GRM1: variants seen among roughly 807,000 people sequenced by gnomAD.
GRM1 encodes metabotropic glutamate receptor 1.
A neutral mutation model predicts 90.9 loss-of-function variants in GRM1; 33 were observed. The observed-to-expected ratio is 0.36, with a 90% CI of 0.28 to 0.49. The LOEUF (loss-of-function observed/expected upper bound fraction) is 0.49, where lower values mean the gene tolerates loss of function less well. Ranked by LOEUF, GRM1 falls within the 20% of genes least tolerant of loss-of-function variation. GRM1 has a pLI of 0.99. For missense variants in GRM1, 1,190 were observed against 1,534.3 expected (o/e 0.78, Z 3.75); for synonymous variants, 700 against 613.2 (o/e 1.14, Z -2.09).
At chr6:146,035,273 A>C (rs1209431079) in intron 1 of GRM1, among the ~76,000 whole-genome samples, 1 of 151,988 alleles carries the variant, frequency 6.6e-6, no homozygotes, top group East Asian at 1.9e-4. Flanking sequence ...GTAATGGAGA[A>C]TCTTGAAGCA....
chr6:146,122,493 C>G (rs1292513554), intron 1 of GRM1, among the ~76,000 whole-genome samples: 1 of 151,996 alleles, frequency 6.6e-6, no homozygotes, highest in Non-Finnish European at 1.5e-5. Context: ...ATTTCTTCAT[C>G]ATTTTCTGCT....
At chr6:146,271,146 T>C (rs1782146697) in intron 2 of GRM1, among the ~76,000 whole-genome samples, 1 of 151,700 alleles carries the variant, frequency 6.6e-6, no homozygotes, top group African/African-American at 2.4e-5. Context: ...CTGTGATTAC[T>C]GGCACATGCC....
chr6:146,069,119 A>G (rs935932380), intron 1 of GRM1, among the ~76,000 whole-genome samples: 6 of 152,192 alleles, frequency 3.9e-5, no homozygotes, highest in African/African-American at 1.4e-4. Context: ...TATAGAGATT[A>G]TCAGACTTCT....
chr6:146,290,317 G>A (rs1232284182), intron 2 of GRM1, among the ~76,000 whole-genome samples: 2 of 152,122 alleles, frequency 1.3e-5, no homozygotes, highest in African/African-American at 2.4e-5. Context: ...TTTTCTTGAC[G>A]TACACAAGGT....
chr6:146,150,457 A>T (rs142932926), intron 1 of GRM1, among the ~76,000 whole-genome samples: 2 of 152,192 alleles, frequency 1.3e-5, no homozygotes, highest in Non-Finnish European at 2.9e-5. Flanking sequence ...TCCCATATTT[A>T]TGGGGTACAT....
At chr6:146,217,505 T>C (rs1436203659) in intron 2 of GRM1, among the ~76,000 whole-genome samples, 3 of 152,230 alleles carry the variant, frequency 2.0e-5, no homozygotes, top group African/African-American at 7.2e-5. Context: ...ACACAGCCTG[T>C]CTTGAAAGGT....
rs1033185085 is a variant in GRM1, at chr6:146,436,689, A to G, written c.*1893A>G. 1 of 152,588 alleles carries G rather than the reference A, an allele frequency of 6.6e-6. No individual in the cohort carries two copies. The highest frequency in any genetic ancestry group is 1.5e-5 in the Non-Finnish European group (1 of 68,000). 9.5% of individuals were successfully genotyped at this position (152,588 alleles called of 1,614,324 possible). A position where few individuals can be genotyped will look rare whatever the true frequency, so the allele number is the denominator to read the frequency against. On this transcript the variant is annotated 3_prime_UTR_variant, in exon 8 of 8. Transcript: ENST00000282753. ...TCTTTACAATCCCTTTTTACCACCA[A>G]TAAAAGGATTTTTCTTGCTGTTTTG...
Position 146,399,637 on chromosome 6 carries a change from C to T in GRM1, c.2598C>T (p.Pro866=), listed in dbSNP as rs1192739900. 6.2e-7 allele frequency: 1 copy of T among 1,614,062 alleles called. No homozygotes were observed. The highest frequency in any genetic ancestry group is 1.7e-5 in the Admixed American group (1 of 60,022). ...VRMHVGDGKL[P]CRSNTFLNIF... is the part of the protein sequence containing the mutation. Reference sequence around the variant, plus strand: ...TGCATGTTGGCGATGGCAAGCTGCCCTGCCGCTCCAACACTTTCCTCAACA... The same window carrying T: ...TGCATGTTGGCGATGGCAAGCTGCCTTGCCGCTCCAACACTTTCCTCAACA... The change falls in exon 7 of 8, where the codon CCC becomes CCT. Residue 866 remains proline (P), a synonymous_variant. Coordinates refer to ENST00000282753, the MANE Select transcript of GRM1 (RefSeq NM_001278064.2). The surrounding 1 kb of genome is among the most constrained non-coding windows in gnomAD (Gnocchi z 5.4).
At chr6:146,410,179 G>GC (rs1158343152) in intron 7 of GRM1, among the ~76,000 whole-genome samples, 2 of 152,132 alleles carry the variant, frequency 1.3e-5, no homozygotes, top group Non-Finnish European at 2.9e-5. Context: ...GATGCTGTCA[G>GC]CCAGTTCTGT....
intron 7 of GRM1, among the ~76,000 whole-genome samples, chr6:146,424,984 AC>A (rs1778144802): frequency 6.6e-6 from 1 of 152,186 alleles, no homozygotes; most frequent in Non-Finnish European, 1.5e-5. Context: ...GGGGCATATT[AC>A]CTTGATAAGT....
At chr6:146,330,284 T>C (rs1432091671) in intron 3 of GRM1, among the ~76,000 whole-genome samples, 1 of 152,180 alleles carries the variant, frequency 6.6e-6, no homozygotes, top group Non-Finnish European at 1.5e-5. Flanking sequence ...ATACAATTAT[T>C]TGATTTAGCT....
chr6:146,252,612 T>A (rs1308196464), intron 2 of GRM1, among the ~76,000 whole-genome samples: 1 of 151,684 alleles, frequency 6.6e-6, no homozygotes, highest in East Asian at 2.0e-4. Flanking sequence ...AACCTCCAAC[T>A]CAAAAAACTA....
chr6:146,329,947 T>C (rs555020967), intron 3 of GRM1, among the ~76,000 whole-genome samples: 1 of 152,204 alleles, frequency 6.6e-6, no homozygotes, highest in Non-Finnish European at 1.5e-5. Flanking sequence ...AGTCAAACTG[T>C]TGTATGTCGG....
chr6:146,385,837 C>T (rs1776481212), intron 5 of GRM1, among the ~76,000 whole-genome samples: 1 of 151,880 alleles, frequency 6.6e-6, no homozygotes, highest in Non-Finnish European at 1.5e-5. Flanking sequence ...AGGGTTCTTA[C>T]ATTATACATA....
At chr6:146,125,791 G>T (rs1776179530) in intron 1 of GRM1, among the ~76,000 whole-genome samples, 1 of 151,816 alleles carries the variant, frequency 6.6e-6, no homozygotes, top group Non-Finnish European at 1.5e-5. Context: ...CTTAGTAGTG[G>T]TCAATTATTT....
chr6:146,245,973 C>T (rs186738613), intron 2 of GRM1, among the ~76,000 whole-genome samples: 4 of 152,282 alleles, frequency 2.6e-5, no homozygotes, highest in East Asian at 3.9e-4. Flanking sequence ...TTCCACAGTT[C>T]CTGCTGTTAA....
intron 1 of GRM1, among the ~76,000 whole-genome samples, chr6:146,086,537 G>A (rs1340400703): frequency 6.6e-6 from 1 of 151,980 alleles, no homozygotes; most frequent in Non-Finnish European, 1.5e-5. Flanking sequence ...CCTCTGGACT[G>A]GCATTTTCTT....
At position 146,159,536 on chromosome 6, in the gene GRM1, C is replaced by T; in HGVS notation, c.889C>T (p.Arg297Ter). 6.2e-7 allele frequency: 1 copy of T among 1,613,392 alleles called. No homozygotes were observed. Among genetic ancestry groups the T allele is most frequent in the Non-Finnish European group, 8.5e-7 (1 of 1,179,674 alleles). ...CTGCTTCTGTGAAGGCATGACAGTG[C>T]GAGGACTCCTGAGCGCCATGCGGCG... Reference protein sequence around the residue: ...VVCFCEGMTVRGLLSAMRRLG... With the variant: ...VVCFCEGMTV Residue 297 changes from arginine (R) to a stop codon, truncating the protein, a stop_gained, in exon 2 of 8, where the codon CGA becomes TGA. Transcript: ENST00000282753. LOFTEE classifies it high-confidence loss of function.
intron 2 of GRM1, among the ~76,000 whole-genome samples, chr6:146,228,910 TCAACTC>T (rs1421016068): frequency 2.6e-5 from 4 of 152,134 alleles, no homozygotes; most frequent in African/African-American, 4.8e-5. Flanking sequence ...ACTCTCCTCT[TCAACTC>T]CAATAAATAT....
Sources: gnomAD v4.1 joint callset for allele counts (sites outside exome capture counted in the v4.1 genomes callset) on GRCh38, gnomAD v4.1.1 for gene constraint, Gnocchi (gnomAD v3.1) non-coding constraint, MANE v1.5 for transcripts, NCBI Gene and HGNC (gene_info 2026-07-23, HGNC 2026-07-21) for gene names.